DOP1A: variants seen among roughly 807,000 people sequenced by gnomAD.
The protein encoded by DOP1A is protein DOP1A.
A neutral mutation model predicts 267.6 loss-of-function variants in DOP1A; 90 were observed. That is an observed-to-expected ratio of 0.34 (90% CI 0.28 to 0.40). The LOEUF (loss-of-function observed/expected upper bound fraction) is 0.40, where lower values mean the gene tolerates loss of function less well. Among genes scored for constraint, DOP1A ranks in the 10% least tolerant of loss-of-function variants. The pLI is 1.00. For synonymous variants in DOP1A, 932 were observed against 999.1 expected, an observed-to-expected ratio of 0.93 and a Z score of 1.27; for missense variants, 2,437 against 2,900.4, an observed-to-expected ratio of 0.84 and a Z score of 3.67.
chr6:83,135,767 CAG>C lies in DOP1A; in HGVS notation c.3022_3023del (p.Arg1008GlyfsTer14). 1 of 1,613,564 alleles carries C rather than the reference CAG, an allele frequency of 6.2e-7. No homozygotes were observed. The highest frequency in any genetic ancestry group is 8.5e-7 in the Non-Finnish European group (1 of 1,179,714). The part of the protein sequence containing the change: ...LLLLLLHPKT[Q>X]RVSVQRVQAE... ...ATTGCTCCTGCTTCATCCAAAAACT[CAG>C]AGGGTTTCAGTACAGCGTGTACAAG... On this transcript the variant is annotated frameshift_variant, in exon 20 of 39. Transcript: ENST00000349129. LOFTEE classifies it high-confidence loss of function.
intron 1 of DOP1A, among the ~76,000 whole-genome samples, chr6:83,071,838 T>G (rs1321626992): frequency 6.6e-6 from 1 of 152,246 alleles, no homozygotes; most frequent in African/African-American, 2.4e-5. Flanking sequence ...AGCCTTAAGA[T>G]AAACATTTGA....
At chr6:83,074,647 T>C (rs1044603828) in intron 1 of DOP1A, among the ~76,000 whole-genome samples, 1 of 152,246 alleles carries the variant, frequency 6.6e-6, no homozygotes, top group Non-Finnish European at 1.5e-5. Flanking sequence ...TGGGTGATTT[T>C]TGCCTAACTA....
Position 83,128,965 on chromosome 6 carries a change from A to T in DOP1A, c.1798A>T (p.Ser600Cys), listed in dbSNP as rs61543280. The change falls in exon 16 of 39, where the codon AGT (serine) becomes TGT (cysteine). Residue 600 changes from serine to cysteine, a missense_variant. Coordinates refer to ENST00000349129, the MANE Select transcript of DOP1A (RefSeq NM_015018.4). ...TCCACCAAGTAGTCGATCATCAGAG[A>T]GTGGATTCACTGAGTTTATACAATA... is the stretch of plus-strand genomic sequence containing the variant. ...ENPPSSRSSE[S>C]GFTEFIQYQA... is the part of the protein sequence containing the mutation. 725 of 1,595,814 alleles carry T rather than the reference A, an allele frequency of 4.5e-4. 6 individuals carry two copies. The African/African-American group carries it at 6.6e-3, about 14-fold the overall frequency.
chr6:83,088,702 G>A (rs1769774373), intron 1 of DOP1A, among the ~76,000 whole-genome samples: 1 of 152,124 alleles, frequency 6.6e-6, no homozygotes. Context: ...TTACAGGTGT[G>A]AGCCACCATG....
chr6:83,113,304 A>C lies in DOP1A; in HGVS notation c.682-19A>C. The C allele has an allele frequency of 6.3e-7, 1 of 1,599,040 alleles. No individual in the cohort carries two copies. Among genetic ancestry groups the C allele is most frequent in the Middle Eastern group, 1.7e-4 (1 of 6,012 alleles). ...CTCAGCATAATAGACAATAGATGTT[A>C]AAGATGCTGTTATTTCAGGTAGAAG... On this transcript the variant is annotated intron_variant, in intron 6 of 38. Coordinates refer to ENST00000349129, the MANE Select transcript of DOP1A (RefSeq NM_015018.4).
intron 27 of DOP1A, among the ~76,000 whole-genome samples, chr6:83,150,462 T>C (rs901178296): frequency 3.3e-5 from 5 of 152,242 alleles, no homozygotes; most frequent in Non-Finnish European, 1.5e-5. Context: ...ATATTCTGAA[T>C]GTTAAAACAA....
Position 83,135,893 on chromosome 6 carries a change from G to C in DOP1A, c.3130+15G>C. The C allele has an allele frequency of 6.2e-7, 1 of 1,610,496 alleles. No individual in the cohort carries two copies. ...CTGCAGCAATGGTGAATAACACATA[G>C]AAGTAGACAGCTTTATTTAGAATTA... On this transcript the variant is annotated intron_variant, in intron 20 of 38. Transcript: ENST00000349129.
intron 5 of DOP1A, 107 bp from the exon 6 acceptor site, chr6:83,110,018 A>G (rs1035808337): frequency 3.3e-5 from 39 of 1,172,086 alleles, no homozygotes; most frequent in Non-Finnish European, 4.3e-5. Context: ...GGTGGAACAT[A>G]TGACTGTAGC....
At chr6:83,094,501 G>A (rs7758795) in intron 1 of DOP1A, among the ~76,000 whole-genome samples, 36,747 of 152,044 alleles carry the variant, frequency 0.24, 4,629 homozygotes, top group Middle Eastern at 0.31. Flanking sequence ...GAGGAGCTAC[G>A]CCAATTTATG....
At chr6:83,130,425 T>A in intron 17 of DOP1A, 28 bp downstream of exon 17, 1 of 1,589,944 alleles carries the variant, frequency 6.3e-7, no homozygotes, top group Non-Finnish European at 8.6e-7. Flanking sequence ...CATATATGAC[T>A]ATGATGATTA....
At chr6:83,168,714 C>T (rs890568734), downstream of DOP1A, 2 of 996,440 alleles carry the variant, frequency 2.0e-6, no homozygotes, top group African/African-American at 3.5e-5. Context: ...ATGGACAACC[C>T]CCTATTCATA....
intron 38 of DOP1A, chr6:83,166,227 C>A: frequency 2.0e-6 from 1 of 510,506 alleles, no homozygotes; most frequent in Non-Finnish European, 3.4e-6. Flanking sequence ...GCCGAACGAC[C>A]ATAAAATGGT....
chr6:83,160,727 A>C (rs898735547), intron 37 of DOP1A, among the ~76,000 whole-genome samples: 2 of 152,186 alleles, frequency 1.3e-5, no homozygotes, highest in Non-Finnish European at 2.9e-5. Context: ...AAATGTAGTT[A>C]AGGTAATATG....
In DOP1A at chr6:83,138,272, T is replaced by C. The variant is rs370408160; in HGVS notation, c.4230T>C (p.Asn1410=). The C allele has an allele frequency of 1.2e-6, 2 of 1,613,134 alleles. No individual in the cohort carries two copies. The highest frequency in any genetic ancestry group is 1.7e-6 in the Non-Finnish European group (2 of 1,179,932). The change falls in exon 21 of 39, where the codon AAT becomes AAC. Residue 1410 remains asparagine (N), a synonymous_variant. Coordinates refer to ENST00000349129, the MANE Select transcript of DOP1A (RefSeq NM_015018.4). ...CCATTTCAACTACTAGTGTAAATAA[T>C]GCATATACTCCTCAGTTGTCTCTCC... ...VNAISTTSVN[N]AYTPQLSLLQ...
At chr6:83,100,917 T>A in intron 4 of DOP1A, 31 bp downstream of exon 4, 1 of 1,281,438 alleles carries the variant, frequency 7.8e-7, no homozygotes, top group South Asian at 2.4e-5. Context: ...TATATACAAA[T>A]AATATAAAGA....
intron 7 of DOP1A, among the ~76,000 whole-genome samples, chr6:83,115,788 TC>T (rs1775339512): frequency 6.6e-6 from 1 of 151,854 alleles, no homozygotes; most frequent in Non-Finnish European, 1.5e-5. Context: ...GTACCGTAGA[TC>T]TTTTTGAACT....
chr6:83,139,523 T>G (rs1456084115), intron 21 of DOP1A, among the ~76,000 whole-genome samples: 1 of 152,200 alleles, frequency 6.6e-6, no homozygotes, highest in East Asian at 1.9e-4. Flanking sequence ...GAAAATAATT[T>G]AAATTTACAA....
At chr6:83,131,111 A>C (rs1165469605) in intron 17 of DOP1A, among the ~76,000 whole-genome samples, 1 of 152,162 alleles carries the variant, frequency 6.6e-6, no homozygotes, top group East Asian at 1.9e-4. Context: ...TCTCATTATC[A>C]TCTGTGGCGT....
At chr6:83,097,161 T>A in intron 3 of DOP1A, 46 bp downstream of exon 3, 1 of 1,584,972 alleles carries the variant, frequency 6.3e-7, no homozygotes, top group Non-Finnish European at 8.6e-7. Context: ...AAATTAGAAA[T>A]CTGTGTTTGT....
Sources: gnomAD v4.1 joint callset for allele counts (sites outside exome capture counted in the v4.1 genomes callset) on GRCh38, gnomAD v4.1.1 for gene constraint, MANE v1.5 for transcripts, NCBI Gene and HGNC (gene_info 2026-07-23, HGNC 2026-07-21) for gene names.